SLC5A4: variants seen among roughly 807,000 people sequenced by gnomAD.
The protein encoded by SLC5A4 is probable glucose sensor protein SLC5A4.
A neutral mutation model predicts 70.3 loss-of-function variants in SLC5A4; 55 were observed. The ratio of observed to expected loss-of-function variants is 0.78; its 90% CI spans 0.63 to 0.98. The LOEUF (loss-of-function observed/expected upper bound fraction) is 0.98, where lower values mean the gene tolerates loss of function less well. SLC5A4 is among the 50% of genes least tolerant of loss of function. The pLI is 0.00. For missense variants in SLC5A4, 735 were observed against 839.2 expected (o/e 0.88, Z 1.53); for synonymous variants, 268 against 305.7 (o/e 0.88, Z 1.29).
chr22:32,300,825 C>T, the SLC5A4 span, among the ~76,000 whole-genome samples: 1 of 152,136 alleles, frequency 6.6e-6, no homozygotes, highest in Non-Finnish European at 1.5e-5. Context: ...GGATTTTTCC[C>T]ATGTGTTTTT....
chr22:32,330,651 T>TG, the SLC5A4 span, among the ~76,000 whole-genome samples: 1 of 90,818 alleles, frequency 1.1e-5, no homozygotes, highest in Non-Finnish European at 2.0e-5. Context: ...GGCTCTGTAT[T>TG]GGGGCTCTGG....
At chr22:32,354,474 A>G in the SLC5A4 span, among the ~76,000 whole-genome samples, 1 of 142,842 alleles carries the variant, frequency 7.0e-6, no homozygotes, top group African/African-American at 2.6e-5. Flanking sequence ...CGTCCCGCCC[A>G]CCGCAGGCAG....
the SLC5A4 span, among the ~76,000 whole-genome samples, chr22:32,328,215 G>A: frequency 1.3e-5 from 2 of 152,052 alleles, no homozygotes; most frequent in Admixed American, 1.3e-4. Context: ...GCTGCTCACA[G>A]CCCCCTACTC....
At chr22:32,251,698 T>C (rs1927169372) in intron 3 of SLC5A4, 72 bp downstream of exon 3, 1 of 909,396 alleles carries the variant, frequency 1.1e-6, no homozygotes, top group Non-Finnish European at 1.8e-6. Flanking sequence ...TATTCTGTCA[T>C]AGCAGCATAA....
At chr22:32,278,444 T>C in the SLC5A4 span, among the ~76,000 whole-genome samples, 1 of 152,248 alleles carries the variant, frequency 6.6e-6, no homozygotes, top group Non-Finnish European at 1.5e-5. Context: ...TCAAAGTTAA[T>C]AGAATATATC....
chr22:32,328,792 C>T, the SLC5A4 span, among the ~76,000 whole-genome samples: 15 of 152,360 alleles, frequency 9.8e-5, no homozygotes, highest in Admixed American at 4.6e-4. Context: ...CTAGCTAATA[C>T]AAGGCCTCAG....
At chr22:32,316,806 G>A in the SLC5A4 span, among the ~76,000 whole-genome samples, 1 of 152,052 alleles carries the variant, frequency 6.6e-6, no homozygotes, top group African/African-American at 2.4e-5. Context: ...CCAAAGTGCT[G>A]GGATTACAGG....
chr22:32,306,630 C>T, the SLC5A4 span, among the ~76,000 whole-genome samples: 1 of 152,166 alleles, frequency 6.6e-6, no homozygotes, highest in South Asian at 2.1e-4. Context: ...CCAGAGTTTA[C>T]AGGAGAGAAA....
the SLC5A4 span, among the ~76,000 whole-genome samples, chr22:32,308,101 T>A: frequency 6.6e-6 from 1 of 152,152 alleles, no homozygotes; most frequent in Non-Finnish European, 1.5e-5. Context: ...AGAGTCACTC[T>A]GTCACCCAGG....
chr22:32,346,850 A>G, the SLC5A4 span, among the ~76,000 whole-genome samples: 1 of 148,878 alleles, frequency 6.7e-6, no homozygotes. Flanking sequence ...CAAAATTGAC[A>G]AATGGGATCT....
At chr22:32,330,944 A>AGGCTCTGGTGTGTGTGTGTTGGG in the SLC5A4 span, among the ~76,000 whole-genome samples, 12 of 15,950 alleles carry the variant, frequency 7.5e-4, no homozygotes, top group Non-Finnish European at 8.7e-4. Flanking sequence ...TATGTGTTGG[A>AGGCTCTGGTGTGTGTGTGTTGGG]GGCTCTGGTG....
chr22:32,299,398 ATTCAT>A, the SLC5A4 span, among the ~76,000 whole-genome samples: 1 of 123,284 alleles, frequency 8.1e-6, no homozygotes, highest in African/African-American at 3.0e-5. Context: ...GCTTCATTTC[ATTCAT>A]TTCATCTTCC....
At chr22:32,251,339 TTAG>T in intron 3 of SLC5A4, among the ~76,000 whole-genome samples, 1 of 151,998 alleles carries the variant, frequency 6.6e-6, no homozygotes, top group African/African-American at 2.4e-5. Context: ...TAAGGGGTGA[TTAG>T]GTTATGAGGG....
the SLC5A4 span, among the ~76,000 whole-genome samples, chr22:32,321,886 G>A: frequency 1.3e-5 from 2 of 152,216 alleles, no homozygotes; most frequent in African/African-American, 2.4e-5. Context: ...GAGCGCCTAT[G>A]GCAGAATGCA....
chr22:32,238,253 T>A (rs915375520), intron 6 of SLC5A4, among the ~76,000 whole-genome samples: 1 of 152,064 alleles, frequency 6.6e-6, no homozygotes, highest in Admixed American at 6.5e-5. Flanking sequence ...CCCTTGGAAG[T>A]CCTGTGGTCT....
At chr22:32,307,004 C>A in the SLC5A4 span, among the ~76,000 whole-genome samples, 1 of 152,132 alleles carries the variant, frequency 6.6e-6, no homozygotes, top group African/African-American at 2.4e-5. Context: ...TGGCGCTGAC[C>A]AATGTGGAAT....
chr22:32,287,316 A>G, the SLC5A4 span, among the ~76,000 whole-genome samples: 5 of 152,158 alleles, frequency 3.3e-5, no homozygotes, highest in African/African-American at 2.4e-5. Flanking sequence ...GAATGACAAA[A>G]GGGCCAGGGA....
Position 32,225,802 on chromosome 22 carries a change from A to G in SLC5A4, c.1302T>C (p.Thr434=). 6.2e-7 allele frequency: 1 copy of G among 1,603,964 alleles called. No homozygotes were observed. The highest frequency in any genetic ancestry group is 1.3e-5 in the African/African-American group (1 of 74,528). Reference sequence around the variant, plus strand: ...GTGGGACCCACACAATGCTCACAACAGTTAATAGAAGAACAAATATCCTGA... The same window carrying G: ...GTGGGACCCACACAATGCTCACAACGGTTAATAGAAGAACAAATATCCTGA... ...IAGRIFVLLL[T]VVSIVWVPLV... Residue 434 remains threonine (T), a synonymous_variant, in exon 12 of 15, where the codon ACT becomes ACC. Transcript: ENST00000266086.
At chr22:32,351,035 A>G in the SLC5A4 span, among the ~76,000 whole-genome samples, 1 of 152,154 alleles carries the variant, frequency 6.6e-6, no homozygotes, top group Admixed American at 6.6e-5. Flanking sequence ...TAAAAACATT[A>G]TAATTCCACA....
Sources: allele counts gnomAD v4.1 joint callset (sites outside exome capture counted in the v4.1 genomes callset), GRCh38; gene constraint gnomAD v4.1.1; transcripts MANE v1.5; gene names NCBI Gene and HGNC (gene_info 2026-07-23, HGNC 2026-07-21).